The following DSCAM variants were observed in gnomAD, a reference collection of about 807,000 sequenced individuals.
DSCAM encodes DS cell adhesion molecule, also known as cell adhesion molecule DSCAM.
DSCAM carries 47 observed loss-of-function variants against 217.7 expected under a neutral mutation model. The ratio of observed to expected loss-of-function variants is 0.22; its 90% confidence interval spans 0.17 to 0.28. DSCAM has a LOEUF of 0.28. Among genes scored for constraint, DSCAM ranks in the 10% least tolerant of loss-of-function variants. The pLI, the probability that DSCAM is intolerant of heterozygous loss-of-function variation, is 1.00. For missense variants in DSCAM, 2,080 were observed against 2,618.3 expected, an observed-to-expected ratio of 0.79 and a Z score of 4.49; for synonymous variants, 1,056 against 1,015.3, an observed-to-expected ratio of 1.04 and a Z score of -0.76.
chr21:40,089,874 G>GAA (rs34812909), intron 21 of DSCAM, among the ~76,000 whole-genome samples: 2 of 151,648 alleles, frequency 1.3e-5, no homozygotes, highest in Admixed American at 6.6e-5. Context: ...AACATTTCTG[G>GAA]AAAAAAAATC....
chr21:40,093,200 T>C (rs923295357), intron 21 of DSCAM, among the ~76,000 whole-genome samples: 1 of 152,230 alleles, frequency 6.6e-6, no homozygotes, highest in Non-Finnish European at 1.5e-5. Context: ...CAGTTTAACG[T>C]ACAAATGTGA....
At chr21:40,095,571 T>A (rs2142120) in intron 20 of DSCAM, among the ~76,000 whole-genome samples, 2 of 152,030 alleles carry the variant, frequency 1.3e-5, no homozygotes. Flanking sequence ...TGACTGCTAA[T>A]GGGCGTGCAG....
At chr21:40,531,808 G>A (rs962929697) in intron 3 of DSCAM, among the ~76,000 whole-genome samples, 1 of 152,166 alleles carries the variant, frequency 6.6e-6, no homozygotes, top group Non-Finnish European at 1.5e-5. Context: ...CAATTAAACT[G>A]ATAAATCAGC....
chr21:40,291,881 C>T (rs1184585997), intron 10 of DSCAM, among the ~76,000 whole-genome samples: 1 of 152,208 alleles, frequency 6.6e-6, no homozygotes, highest in African/African-American at 2.4e-5. Flanking sequence ...GGCCAGGCCC[C>T]AGGCTGATGC....
At chr21:40,246,584 T>C (rs1601480572) in intron 11 of DSCAM, among the ~76,000 whole-genome samples, 1 of 149,762 alleles carries the variant, frequency 6.7e-6, no homozygotes, top group East Asian at 2.0e-4. Context: ...GATCTTGGGG[T>C]GGGTAGATGT....
At chr21:40,322,959 A>G (rs2074276418) in intron 8 of DSCAM, among the ~76,000 whole-genome samples, 1 of 152,142 alleles carries the variant, frequency 6.6e-6, no homozygotes, top group Admixed American at 6.5e-5. Flanking sequence ...TGTTACCACC[A>G]ATTCATGGGG....
At chr21:40,084,950 A>T (rs1286089364) in intron 23 of DSCAM, among the ~76,000 whole-genome samples, 1 of 151,858 alleles carries the variant, frequency 6.6e-6, no homozygotes, top group South Asian at 2.1e-4. Flanking sequence ...TTAATGTGAC[A>T]ACACCTAAAT....
chr21:40,548,903 A>C (rs908230425), intron 3 of DSCAM, among the ~76,000 whole-genome samples: 1 of 152,224 alleles, frequency 6.6e-6, no homozygotes, highest in Admixed American at 6.5e-5. Flanking sequence ...CCATGGAAGA[A>C]TCAAAATAGG....
intron 3 of DSCAM, among the ~76,000 whole-genome samples, chr21:40,565,128 C>T (rs1051212821): frequency 6.6e-6 from 1 of 152,146 alleles, no homozygotes. Flanking sequence ...TTCCAGTAGC[C>T]GAGGTACTGG....
chr21:40,838,173 T>C (rs2123672994), intron 1 of DSCAM, among the ~76,000 whole-genome samples: 1 of 152,350 alleles, frequency 6.6e-6, no homozygotes, highest in Middle Eastern at 3.4e-3. Context: ...CTAATTATCT[T>C]TCTACTTGTC....
chr21:40,748,954 C>T (rs1012999816), intron 1 of DSCAM, among the ~76,000 whole-genome samples: 4 of 152,030 alleles, frequency 2.6e-5, no homozygotes, highest in Non-Finnish European at 5.9e-5. Context: ...TGATTTTTAA[C>T]AAAGGCACCA....
chr21:40,674,563 CT>C (rs1214036217), intron 3 of DSCAM, among the ~76,000 whole-genome samples: 1 of 151,844 alleles, frequency 6.6e-6, no homozygotes, highest in Non-Finnish European at 1.5e-5. Context: ...AACCTCACCC[CT>C]GGCAATGGAT....
At chr21:40,023,427 C>T (rs1025059829) in intron 32 of DSCAM, among the ~76,000 whole-genome samples, 7 of 151,520 alleles carry the variant, frequency 4.6e-5, no homozygotes, top group Admixed American at 3.3e-4. Context: ...AGTTCTAGGT[C>T]CCTGAGGAAT....
At chr21:40,060,977 G>A (rs2089109630) in intron 28 of DSCAM, among the ~76,000 whole-genome samples, 1 of 152,176 alleles carries the variant, frequency 6.6e-6, no homozygotes, top group Non-Finnish European at 1.5e-5. Context: ...TGCAATTTCT[G>A]TAATCTTCTC....
At chr21:40,373,357 G>A in intron 3 of DSCAM, among the ~76,000 whole-genome samples, 1 of 151,970 alleles carries the variant, frequency 6.6e-6, no homozygotes, top group South Asian at 2.1e-4. Context: ...GACCAGCACT[G>A]TCCTAGGCTC....
intron 1 of DSCAM, among the ~76,000 whole-genome samples, chr21:40,776,855 A>G (rs546529694): frequency 6.6e-6 from 1 of 152,320 alleles, no homozygotes; most frequent in East Asian, 1.9e-4. Flanking sequence ...AGAATGAGCT[A>G]TTGATATTCC....
chr21:40,674,408 T>G (rs2090312456), intron 3 of DSCAM, among the ~76,000 whole-genome samples: 1 of 152,180 alleles, frequency 6.6e-6, no homozygotes, highest in Admixed American at 6.5e-5. Flanking sequence ...ATCTGAAGTT[T>G]CAAGTAAAAA....
chr21:40,836,341 G>A (rs142328734), intron 1 of DSCAM, among the ~76,000 whole-genome samples: 8 of 152,248 alleles, frequency 5.3e-5, no homozygotes, highest in East Asian at 1.9e-4. Context: ...TATCAAATAC[G>A]CTAACAGGAA....
At chr21:40,169,205 C>T (rs1042156989) in intron 15 of DSCAM, among the ~76,000 whole-genome samples, 2 of 152,084 alleles carry the variant, frequency 1.3e-5, no homozygotes, top group Non-Finnish European at 1.5e-5. Context: ...GGTAGGCTTA[C>T]TGGTTGAGGG....
Sources: allele counts gnomAD v4.1 joint callset (sites outside exome capture counted in the v4.1 genomes callset), GRCh38; gene constraint gnomAD v4.1.1; transcripts MANE v1.5; gene names NCBI Gene and HGNC (gene_info 2026-07-23, HGNC 2026-07-21).